The following CIB1 variants were observed in gnomAD, a reference collection of about 807,000 sequenced individuals.
CIB1 encodes calcium and integrin binding 1.
In CIB1, 19 loss-of-function variants were observed where a neutral mutation model predicts 25.0. That is an observed-to-expected ratio of 0.76 (90% CI 0.53 to 1.12). CIB1 has a LOEUF of 1.12. Ranked by LOEUF, CIB1 falls within the 50% of genes most tolerant of loss-of-function variation. The pLI is 0.00. For missense variants in CIB1, 236 were observed against 242.6 expected, an observed-to-expected ratio of 0.97 and a Z score of 0.18; for synonymous variants, 104 against 98.5, an observed-to-expected ratio of 1.06 and a Z score of -0.33.
chr15:90,257,760 C>G, the CIB1 span: 1 of 1,593,152 alleles, frequency 6.3e-7, no homozygotes, highest in Non-Finnish European at 8.6e-7. Context: ...TCCTCTGCCC[C>G]TTAGCCCCAC....
intron 2 of CIB1, among the ~76,000 whole-genome samples, chr15:90,232,940 A>G (rs866391985): frequency 6.6e-6 from 1 of 151,996 alleles, no homozygotes; most frequent in African/African-American, 2.4e-5. Flanking sequence ...AAAAAAAAAA[A>G]AACGGAGAAA....
chr15:90,243,384 TTTG>T, the CIB1 span: 1 of 152,202 alleles, frequency 6.6e-6, no homozygotes, highest in African/African-American at 2.4e-5. Context: ...GTTTTGTTTT[TTTG>T]TAAGGCTGGG....
chr15:90,253,406 G>GC, the CIB1 span: 1 of 1,504,136 alleles, frequency 6.6e-7, no homozygotes, highest in Non-Finnish European at 9.2e-7. Context: ...AGGGGCTAGG[G>GC]CCCCAGAATG....
At chr15:90,252,507 C>G in the CIB1 span, among the ~76,000 whole-genome samples, 1 of 152,160 alleles carries the variant, frequency 6.6e-6, no homozygotes, top group Non-Finnish European at 1.5e-5. Flanking sequence ...AGAGATGAGA[C>G]AAGCTTAAAA....
chr15:90,232,391 C>A, intron 2 of CIB1, 64 bp from the exon 3 acceptor site: 1 of 1,519,014 alleles, frequency 6.6e-7, no homozygotes, highest in South Asian at 1.3e-5. Flanking sequence ...TTCATTCCCA[C>A]TCCTTGCCTG....
At chr15:90,256,288 C>T in the CIB1 span, 2 of 1,614,184 alleles carry the variant, frequency 1.2e-6, no homozygotes, top group East Asian at 4.5e-5. Context: ...GCCAGCAATA[C>T]ATCTCCAAGG....
chr15:90,261,591 C>A, the CIB1 span, among the ~76,000 whole-genome samples: 1 of 151,806 alleles, frequency 6.6e-6, no homozygotes, highest in Non-Finnish European at 1.5e-5. Flanking sequence ...TCCGGCCTTG[C>A]CAACGTGGTG....
the CIB1 span, chr15:90,263,360 T>C: frequency 5.6e-6 from 3 of 531,158 alleles, no homozygotes; most frequent in South Asian, 8.4e-5. Context: ...ATCCAGCAAG[T>C]TGCAGCTCCA....
chr15:90,241,108 G>A, the CIB1 span: 1 of 1,614,136 alleles, frequency 6.2e-7, no homozygotes, highest in South Asian at 1.1e-5. Context: ...TGCTCTGCCT[G>A]GAAGCAGCGG....
chr15:90,233,454 C>T (rs534697139), intron 2 of CIB1, among the ~76,000 whole-genome samples: 1 of 152,334 alleles, frequency 6.6e-6, no homozygotes, highest in East Asian at 1.9e-4. Context: ...TTCCTGGAGG[C>T]TGTAAGGTGG....
chr15:90,265,270 C>T, the CIB1 span: 2 of 1,253,598 alleles, frequency 1.6e-6, no homozygotes, highest in Non-Finnish European at 2.0e-6. Context: ...AGGTGCGGCC[C>T]GGGGCTGGAG....
the CIB1 span, among the ~76,000 whole-genome samples, chr15:90,256,545 T>TTTTCTTTCTTTC: frequency 5.9e-3 from 622 of 105,410 alleles, 6 homozygotes; most frequent in East Asian, 0.013. Flanking sequence ...TCTCCTTCCT[T>TTTTCTTTCTTTC]TTTCTTTCTT....
intron 2 of CIB1, 36 bp from the exon 3 acceptor site, chr15:90,232,363 G>C (rs375773452): frequency 7.0e-6 from 11 of 1,574,318 alleles, no homozygotes; most frequent in African/African-American, 2.7e-5. Context: ...TGTTCTCAGC[G>C]ATCGGTCTCC....
the CIB1 span, chr15:90,257,831 AGCCTTTATAG>A: frequency 3.5e-6 from 4 of 1,131,018 alleles, no homozygotes; most frequent in Non-Finnish European, 5.2e-6. Context: ...AGGGAAACTC[AGCCTTTATAG>A]ACCCTGTCCT....
At chr15:90,255,932 G>C in the CIB1 span, 1 of 1,612,928 alleles carries the variant, frequency 6.2e-7, no homozygotes, top group Admixed American at 1.7e-5. Flanking sequence ...GGGAGGAAAA[G>C]GGTCGCTCTC....
chr15:90,260,724 G>A, the CIB1 span, among the ~76,000 whole-genome samples: 1 of 151,612 alleles, frequency 6.6e-6, no homozygotes, highest in Non-Finnish European at 1.5e-5. Context: ...GGTGGTGCAT[G>A]CCTGTAATCC....
chr15:90,246,353 C>G, the CIB1 span, among the ~76,000 whole-genome samples: 1 of 152,108 alleles, frequency 6.6e-6, no homozygotes, highest in Non-Finnish European at 1.5e-5. Context: ...TAGACTTGAT[C>G]TAATGGGAAA....
the CIB1 span, chr15:90,262,995 G>A: frequency 1.3e-6 from 2 of 1,536,066 alleles, no homozygotes; most frequent in East Asian, 4.9e-5. Flanking sequence ...ACACCATGAG[G>A]CCTCAAGAAA....
At chr15:90,265,249 G>A in the CIB1 span, 1 of 1,293,842 alleles carries the variant, frequency 7.7e-7, no homozygotes, top group Non-Finnish European at 9.8e-7. Context: ...TAGGTGATGG[G>A]TCTGAACCCT....
Sources: gnomAD v4.1 joint callset for allele counts (sites outside exome capture counted in the v4.1 genomes callset) on GRCh38, gnomAD v4.1.1 for gene constraint, MANE v1.5 for transcripts, NCBI Gene and HGNC (gene_info 2026-07-23, HGNC 2026-07-21) for gene names.